The following RASGEF1C variants were observed in gnomAD, a reference collection of about 807,000 sequenced individuals.
RASGEF1C encodes RasGEF domain family member 1C.
RASGEF1C carries 27 observed loss-of-function variants against 58.1 expected under a neutral mutation model. The ratio of observed to expected loss-of-function variants is 0.46; its 90% CI spans 0.34 to 0.64. RASGEF1C has a LOEUF of 0.64. Ranked by LOEUF, RASGEF1C falls within the 30% of genes least tolerant of loss-of-function variation. The pLI is 0.01. For synonymous variants in RASGEF1C, 243 were observed against 246.3 expected (o/e 0.99, Z 0.13); for missense variants, 502 against 605.1 (o/e 0.83, Z 1.79).
At chr5:180,163,887 G>A (rs930273682) in intron 1 of RASGEF1C, among the ~76,000 whole-genome samples, 4 of 152,096 alleles carry the variant, frequency 2.6e-5, no homozygotes, top group African/African-American at 4.8e-5. Context: ...TCTAAGATTT[G>A]AAATGATAAA....
At chr5:180,195,228 C>A (rs1046634430) in intron 1 of RASGEF1C, among the ~76,000 whole-genome samples, 2 of 152,200 alleles carry the variant, frequency 1.3e-5, no homozygotes, top group Admixed American at 1.3e-4. Context: ...ACTCCCACTG[C>A]AGCCCTCACA....
intron 13 of RASGEF1C, 33 bp downstream of exon 13, chr5:180,102,038 G>A (rs770422452): frequency 1.9e-6 from 2 of 1,047,090 alleles, no homozygotes; most frequent in African/African-American, 3.0e-5. Context: ...ATCCCAAGCA[G>A]CCCCCAGGCC....
At chr5:180,205,243 CAAT>C (rs1442261643) in intron 1 of RASGEF1C, among the ~76,000 whole-genome samples, 1 of 151,720 alleles carries the variant, frequency 6.6e-6, no homozygotes, top group Non-Finnish European at 1.5e-5. Flanking sequence ...ATAAAACTAA[CAAT>C]AAAAATTCAG....
chr5:180,199,352 T>C (rs2127563974), intron 1 of RASGEF1C, among the ~76,000 whole-genome samples: 1 of 152,104 alleles, frequency 6.6e-6, no homozygotes, highest in Admixed American at 6.5e-5. Flanking sequence ...ACGGCAAACA[T>C]CCAAGCCTTC....
intron 6 of RASGEF1C, among the ~76,000 whole-genome samples, chr5:180,127,206 C>T (rs1240927915): frequency 2.0e-5 from 3 of 152,130 alleles, no homozygotes; most frequent in Non-Finnish European, 4.4e-5. Flanking sequence ...CCCGCGCTTC[C>T]CCGCGTGGCC....
chr5:180,170,702 C>G (rs755316613), intron 1 of RASGEF1C, among the ~76,000 whole-genome samples: 8 of 152,224 alleles, frequency 5.3e-5, no homozygotes, highest in Non-Finnish European at 1.2e-4. Context: ...TCCCTTTACC[C>G]CAGTCCTGCA....
chr5:180,126,783 T>C (rs887267327), intron 6 of RASGEF1C, among the ~76,000 whole-genome samples: 21 of 152,180 alleles, frequency 1.4e-4, no homozygotes, highest in Admixed American at 4.6e-4. Context: ...CGTCCGTGCA[T>C]GTTCGTGTAC....
chr5:180,137,313 C>T lies in RASGEF1C; in HGVS notation c.300+277G>A, dbSNP rs1295061143. 6.6e-6 allele frequency among the ~76,000 whole-genome samples: 1 copy of T among 152,162 alleles called. No individual in the cohort carries two copies. The highest frequency in any genetic ancestry group is 1.5e-5 in the Non-Finnish European group (1 of 68,026). ...AGCCCACCAGAGGCAGCAGGCCCTCCCGGCCACAGATGGGTCCTACTGACC... is the reference window on the plus strand; with the variant it reads ...AGCCCACCAGAGGCAGCAGGCCCTCTCGGCCACAGATGGGTCCTACTGACC... On this transcript the variant is annotated intron_variant, in intron 3 of 13. Coordinates refer to ENST00000361132, the MANE Select transcript of RASGEF1C (RefSeq NM_175062.4). This position sits in a 1 kb window ranked among gnomAD's most constrained non-coding sequence, Gnocchi z 4.1.
intron 1 of RASGEF1C, among the ~76,000 whole-genome samples, chr5:180,174,770 G>C (rs575326101): frequency 4.6e-5 from 7 of 152,146 alleles, no homozygotes; most frequent in Non-Finnish European, 1.5e-5. Context: ...TCGCACACAC[G>C]ATCGTGACCG....
intron 1 of RASGEF1C, among the ~76,000 whole-genome samples, chr5:180,159,520 C>T (rs532901851): frequency 6.6e-6 from 1 of 152,312 alleles, no homozygotes; most frequent in Non-Finnish European, 1.5e-5. Context: ...CTTATTTGCC[C>T]TGCTCTCCGT....
chr5:180,131,332 C>A (rs980120550), intron 4 of RASGEF1C, among the ~76,000 whole-genome samples: 2 of 152,188 alleles, frequency 1.3e-5, no homozygotes, highest in Non-Finnish European at 2.9e-5. Context: ...ACACAGGTCA[C>A]TCCTCCGCCC....
chr5:180,174,608 ATGTGTGTGTCTGTGTGTG>A (rs1416155177), intron 1 of RASGEF1C, among the ~76,000 whole-genome samples: 1 of 69,760 alleles, frequency 1.4e-5, no homozygotes, highest in Non-Finnish European at 3.2e-5. Flanking sequence ...GTGTGCACGC[ATGTGTGTGTCTGTGTGTG>A]TGTGTGTGTG....
In RASGEF1C at chr5:180,133,149, G is replaced by A. The variant is rs576861942; in HGVS notation, c.438+3229C>T. On this transcript the variant is annotated intron_variant, in intron 4 of 13. Transcript: ENST00000361132. ...CTCTAACTACTGCGTCCAACCTACC[G>A]GGAGCCCCACAAAGGCTGGGCTGCC... is the stretch of plus-strand genomic sequence containing the variant. Among the ~76,000 whole-genome samples the A allele has an allele frequency of 3.3e-5, 5 of 152,166 alleles. 1 individual carries two copies. The highest frequency in any genetic ancestry group is 4.2e-4 in the South Asian group (2 of 4,816).
intron 1 of RASGEF1C, among the ~76,000 whole-genome samples, chr5:180,165,417 C>T (rs1326069045): frequency 6.6e-6 from 1 of 151,920 alleles, no homozygotes; most frequent in East Asian, 1.9e-4. Context: ...CTCCTGTAAT[C>T]CCAGCACTTT....
Position 180,137,233 on chromosome 5 carries a change from G to A in RASGEF1C, c.300+357C>T, listed in dbSNP as rs1447683161. Among the ~76,000 whole-genome samples, 2 of 152,298 alleles carry A rather than the reference G, an allele frequency of 1.3e-5. No homozygotes were observed. The highest frequency in any genetic ancestry group is 3.9e-4 in the East Asian group (2 of 5,166). The stretch of plus-strand genomic sequence containing the variant: ...TACCGACGCGTGTGCAATAGAGGCA[G>A]CCCGCAGGACCCGGCCAGGACTGGG... On this transcript the variant is annotated intron_variant, in intron 3 of 13. Transcript: ENST00000361132. The surrounding 1 kb of genome is among the most constrained non-coding windows in gnomAD (Gnocchi z 4.1).
At chr5:180,126,438 G>A (rs891109703) in intron 6 of RASGEF1C, among the ~76,000 whole-genome samples, 1 of 152,084 alleles carries the variant, frequency 6.6e-6, no homozygotes, top group East Asian at 1.9e-4. Context: ...TCCCGTTCCT[G>A]CCTCCCAGCA....
At chr5:180,140,282 G>C (rs930687596) in intron 1 of RASGEF1C, among the ~76,000 whole-genome samples, 5 of 152,204 alleles carry the variant, frequency 3.3e-5, no homozygotes, top group African/African-American at 1.2e-4. Flanking sequence ...CGTATCACCA[G>C]CTGGGTCCAG....
At chr5:180,161,846 C>A (rs1766950014) in intron 1 of RASGEF1C, among the ~76,000 whole-genome samples, 1 of 149,242 alleles carries the variant, frequency 6.7e-6, no homozygotes, top group South Asian at 2.1e-4. Context: ...ATCGCTGGGG[C>A]TACTTTCTCA....
chr5:180,127,593 C>T lies in RASGEF1C; in HGVS notation c.714+16G>A, dbSNP rs145003126. On this transcript the variant is annotated intron_variant, in intron 6 of 13. Transcript: ENST00000361132. ...GGTGAGGCTCACTTTTGGGACAGCCCGTAAGAGCCTCCTACCTTTGTGCTG... is the reference window on the plus strand; with the variant it reads ...GGTGAGGCTCACTTTTGGGACAGCCTGTAAGAGCCTCCTACCTTTGTGCTG... 75 of 1,604,642 alleles carry T rather than the reference C, an allele frequency of 4.7e-5. No homozygotes were observed. The African/African-American group carries it at 8.8e-4, about 19-fold the overall frequency.
Sources: allele counts gnomAD v4.1 joint callset (sites outside exome capture counted in the v4.1 genomes callset), GRCh38; gene constraint gnomAD v4.1.1; non-coding constraint Gnocchi (gnomAD v3.1); transcripts MANE v1.5; gene names NCBI Gene and HGNC (gene_info 2026-07-23, HGNC 2026-07-21).